The following KAT2B variants were observed in gnomAD, a reference collection of about 807,000 sequenced individuals.
KAT2B encodes the protein histone acetyltransferase KAT2B.
KAT2B carries 36 observed loss-of-function variants against 105.9 expected under a neutral mutation model. The ratio of observed to expected loss-of-function variants is 0.34; its 90% CI spans 0.26 to 0.45. The LOEUF (loss-of-function observed/expected upper bound fraction) is 0.45, where lower values mean the gene tolerates loss of function less well. Among genes scored for constraint, KAT2B ranks in the 20% least tolerant of loss-of-function variants. KAT2B has a pLI of 1.00. For synonymous variants in KAT2B, 397 were observed against 377.9 expected (o/e 1.05, Z -0.59); for missense variants, 820 against 1,021.6 (o/e 0.80, Z 2.69).
intron 1 of KAT2B, among the ~76,000 whole-genome samples, chr3:20,053,660 C>T (rs917143467): frequency 3.3e-5 from 5 of 152,172 alleles, no homozygotes; most frequent in Non-Finnish European, 7.3e-5. Context: ...TATTAGTAAA[C>T]TTAAAAATCA....
chr3:20,141,415 C>T (rs1344191617), intron 13 of KAT2B, among the ~76,000 whole-genome samples: 1 of 151,986 alleles, frequency 6.6e-6, no homozygotes, highest in Non-Finnish European at 1.5e-5. Flanking sequence ...GGGGAGTACA[C>T]AAAGGCCATT....
At chr3:20,083,822 C>T (rs1698564351) in intron 2 of KAT2B, among the ~76,000 whole-genome samples, 1 of 152,008 alleles carries the variant, frequency 6.6e-6, no homozygotes, top group Admixed American at 6.6e-5. Flanking sequence ...GGCTTGTTGG[C>T]AGAAACAGGG....
rs552810537 is a variant in KAT2B, at chr3:20,152,013, C to T, written c.2306-319C>T. On this transcript the variant is annotated intron_variant, in intron 17 of 17. Coordinates refer to ENST00000263754, the MANE Select transcript of KAT2B (RefSeq NM_003884.5). Reference sequence around the variant, plus strand: ...TGTATAATTCTGACTGAATAGCTAACAGTAGTCAGTTCATCATACTTATTG... The same window carrying T: ...TGTATAATTCTGACTGAATAGCTAATAGTAGTCAGTTCATCATACTTATTG... Among the ~76,000 whole-genome samples, 7 of 152,240 alleles carry T rather than the reference C, an allele frequency of 4.6e-5. No homozygotes were observed. In the South Asian group the frequency reaches 1.5e-3, roughly 32 times the overall value.
intron 13 of KAT2B, among the ~76,000 whole-genome samples, chr3:20,144,655 T>C (rs1411337345): frequency 6.6e-6 from 1 of 150,984 alleles, no homozygotes; most frequent in African/African-American, 2.4e-5. Context: ...TTAAAATAAA[T>C]AAATGGAAAG....
At chr3:20,120,363 G>T (rs1699286462) in intron 8 of KAT2B, among the ~76,000 whole-genome samples, 1 of 152,110 alleles carries the variant, frequency 6.6e-6, no homozygotes, top group Non-Finnish European at 1.5e-5. Context: ...GAGTAGCTGG[G>T]ATTACAGGTG....
Position 20,140,343 on chromosome 3 carries a change from C to T in KAT2B, c.1983C>T (p.Val661=), listed in dbSNP as rs1437867643. The T allele has an allele frequency of 6.2e-7, 1 of 1,613,776 alleles. No homozygotes were observed. The highest frequency in any genetic ancestry group is 1.1e-5 in the South Asian group (1 of 91,058). The change falls in exon 13 of 18, where the codon GTC becomes GTT. Residue 661 remains valine, a synonymous_variant. Coordinates refer to ENST00000263754, the MANE Select transcript of KAT2B (RefSeq NM_003884.5). ...GGATCCCGTACACAGAATTTTCTGT[C>T]ATCATTAAAAAGCAGAAGGAGGTAA... ...NPRIPYTEFS[V]IIKKQKEIIK... is the part of the protein sequence containing the mutation.
intron 1 of KAT2B, among the ~76,000 whole-genome samples, chr3:20,062,536 A>G (rs1206432339): frequency 6.8e-6 from 1 of 148,070 alleles, no homozygotes; most frequent in Non-Finnish European, 1.5e-5. Context: ...ATCTCGGCTC[A>G]TTGTAACGTC....
At chr3:20,083,515 T>TA (rs1381107894) in intron 2 of KAT2B, among the ~76,000 whole-genome samples, 1 of 152,186 alleles carries the variant, frequency 6.6e-6, no homozygotes, top group Non-Finnish European at 1.5e-5. Flanking sequence ...AGGAGACTGG[T>TA]AAATCTAGAG....
At chr3:20,049,512 C>CT (rs1304778570) in intron 1 of KAT2B, among the ~76,000 whole-genome samples, 1 of 152,202 alleles carries the variant, frequency 6.6e-6, no homozygotes, top group Non-Finnish European at 1.5e-5. Flanking sequence ...AGTAGATCCT[C>CT]TTTCCTATGC....
Position 20,095,371 on chromosome 3 carries a change from A to T in KAT2B, c.539A>T (p.Asp180Val). The change falls in exon 3 of 18, where the codon GAT (aspartate) becomes GTT (valine). Residue 180 changes from aspartate (D) to valine (V), a missense_variant. Coordinates refer to ENST00000263754, the MANE Select transcript of KAT2B (RefSeq NM_003884.5). ...TTTACCTGTGTCCACAAGGAAGAAG[A>T]TGCAGATACCAAACAAGTTTATTTC... is the stretch of plus-strand genomic sequence containing the variant. ...YLFTCVHKEE[D>V]ADTKQVYFYL... 1 of 1,598,200 alleles carries T rather than the reference A, an allele frequency of 6.3e-7. No individual in the cohort carries two copies. Among genetic ancestry groups the T allele is most frequent in the Non-Finnish European group, 8.6e-7 (1 of 1,165,858 alleles).
chr3:20,148,234 C>A lies in KAT2B; in HGVS notation c.2157-9C>A, dbSNP rs1427182071. ...ATCATTGCTCCTTGTTTCCCTTTTT[C>A]CTTTCAAGTAAAGAGCCCAGAGACC... On this transcript the variant is annotated splice_polypyrimidine_tract_variant and intron_variant, in intron 15 of 17. Transcript: ENST00000263754. The A allele has an allele frequency of 6.2e-7, 1 of 1,609,410 alleles. No individual in the cohort carries two copies. The highest frequency in any genetic ancestry group is 8.5e-7 in the Non-Finnish European group (1 of 1,177,054).
At chr3:20,147,875 T>C (rs755545429) in intron 14 of KAT2B, 88 bp from the exon 15 acceptor site, 2 of 1,257,530 alleles carry the variant, frequency 1.6e-6, no homozygotes, top group Non-Finnish European at 2.2e-6. Flanking sequence ...GTCATGCCTA[T>C]AATTTCTTGT....
chr3:20,042,659 T>C (rs1258026490), intron 1 of KAT2B, among the ~76,000 whole-genome samples: 3 of 152,220 alleles, frequency 2.0e-5, no homozygotes, highest in African/African-American at 7.2e-5. Context: ...TTAAAATTTA[T>C]TTATTGGGTT....
intron 13 of KAT2B, among the ~76,000 whole-genome samples, chr3:20,144,377 C>T (rs548722894): frequency 4.1e-5 from 6 of 147,016 alleles, no homozygotes; most frequent in Admixed American, 1.4e-4. Flanking sequence ...CAAGCTCTGC[C>T]TCCTGGGTTC....
At position 20,101,482 on chromosome 3, in the gene KAT2B, A is replaced by G. The variant is rs1265068759; in HGVS notation, c.851+14A>G. On this transcript the variant is annotated intron_variant, in intron 5 of 17. Transcript: ENST00000263754. ...GAACTACACAAGGTAATCAGATGCAAGTTCTTTTCCTTTGGCCCCATAAAG... is the reference window on the plus strand; with the variant it reads ...GAACTACACAAGGTAATCAGATGCAGGTTCTTTTCCTTTGGCCCCATAAAG... The G allele has an allele frequency of 6.2e-7, 1 of 1,611,272 alleles. No homozygotes were observed. Among genetic ancestry groups the G allele is most frequent in the African/African-American group, 1.3e-5 (1 of 74,832 alleles).
At chr3:20,065,666 A>G (rs949461303) in intron 1 of KAT2B, among the ~76,000 whole-genome samples, 1 of 152,216 alleles carries the variant, frequency 6.6e-6, no homozygotes, top group Non-Finnish European at 1.5e-5. Flanking sequence ...TAGGTGTCCC[A>G]TGGAGCATGC....
intron 1 of KAT2B, among the ~76,000 whole-genome samples, chr3:20,061,914 A>T (rs1444351552): frequency 1.2e-4 from 6 of 50,438 alleles, no homozygotes; most frequent in Non-Finnish European, 2.3e-4. Context: ...TATATAAAAT[A>T]TGTATTATAT....
chr3:20,125,872 C>G (rs1699393428), intron 9 of KAT2B, 33 bp from the exon 10 acceptor site: 2 of 1,550,944 alleles, frequency 1.3e-6, no homozygotes, highest in East Asian at 4.5e-5. Context: ...GAGAATAGCT[C>G]TGTGTAATTT....
intron 1 of KAT2B, among the ~76,000 whole-genome samples, chr3:20,045,144 A>G (rs568720323): frequency 6.6e-6 from 1 of 152,092 alleles, no homozygotes; most frequent in Admixed American, 6.6e-5. Context: ...CCTCCTGAGT[A>G]GCTGAGACCA....
Sources: allele counts gnomAD v4.1 joint callset (sites outside exome capture counted in the v4.1 genomes callset), GRCh38; gene constraint gnomAD v4.1.1; transcripts MANE v1.5; gene names NCBI Gene and HGNC (gene_info 2026-07-23, HGNC 2026-07-21).